KALRN: variants seen among roughly 807,000 people sequenced by gnomAD.
The protein encoded by KALRN is kalirin RhoGEF kinase.
In KALRN, 70 loss-of-function variants were observed where a neutral mutation model predicts 353.7. The observed-to-expected ratio is 0.20, with a 90% CI of 0.16 to 0.24. The LOEUF (loss-of-function observed/expected upper bound fraction) is 0.24, where lower values mean the gene tolerates loss of function less well. Ranked by LOEUF, KALRN falls within the 10% of genes least tolerant of loss-of-function variation. The probability of loss-of-function intolerance (pLI) is 1.00; values close to 1 mark genes in which losing one functional copy is unlikely to be tolerated. For missense variants in KALRN, 2,791 were observed against 3,756.7 expected (o/e 0.74, Z 6.72); for synonymous variants, 1,391 against 1,434.8 (o/e 0.97, Z 0.69).
intron 10 of KALRN, among the ~76,000 whole-genome samples, chr3:124,372,997 C>A (rs34782438): frequency 3.3e-5 from 5 of 152,064 alleles, no homozygotes; most frequent in Admixed American, 6.6e-5. Flanking sequence ...CTCCCTCCCC[C>A]AGCCCATCCT....
At chr3:124,398,942 G>A in intron 13 of KALRN, 71 bp downstream of exon 13, 8 of 1,482,092 alleles carry the variant, frequency 5.4e-6, no homozygotes, top group Middle Eastern at 2.3e-4. Context: ...ACTGCCCCAG[G>A]GGCAGGGCAG....
chr3:124,268,718 C>A, intron 4 of KALRN, 25 bp from the exon 5 acceptor site: 2 of 1,611,658 alleles, frequency 1.2e-6, no homozygotes, highest in Non-Finnish European at 1.7e-6. Context: ...CACTGAGTAT[C>A]CTTGTCTGTG....
Position 124,492,761 on chromosome 3 carries a change from C to A in KALRN, c.4711C>A (p.Gln1571Lys). Reference protein sequence around the residue: ...VLKASNIETKQEWIKNIREVI... With the variant: ...VLKASNIETKKEWIKNIREVI... Reference sequence around the variant, plus strand: ...CTAGGCCTCCAACATTGAAACCAAGCAGGAGTGGATCAAGAACATTCGAGA... The same window carrying A: ...CTAGGCCTCCAACATTGAAACCAAGAAGGAGTGGATCAAGAACATTCGAGA... Residue 1571 changes from glutamine (Q) to lysine (K), a missense_variant, in exon 32 of 60, where the codon CAG (glutamine) becomes AAG (lysine). Gln to Lys is a moderately conservative substitution (Grantham distance 53). Transcript: ENST00000682506. The A allele has an allele frequency of 6.2e-7, 1 of 1,613,950 alleles. No individual in the cohort carries two copies. The highest frequency in any genetic ancestry group is 8.5e-7 in the Non-Finnish European group (1 of 1,179,938).
At chr3:124,505,577 G>A (rs566850933) in intron 33 of KALRN, among the ~76,000 whole-genome samples, 19 of 152,330 alleles carry the variant, frequency 1.2e-4, no homozygotes, top group Non-Finnish European at 2.4e-4. Context: ...AGACTTCAGT[G>A]AGCTGTGATT....
intron 3 of KALRN, among the ~76,000 whole-genome samples, chr3:124,248,664 C>CT (rs1156929430): frequency 5.3e-5 from 8 of 152,352 alleles, no homozygotes; most frequent in Non-Finnish European, 8.8e-5. Context: ...CCTGGCCCCT[C>CT]TTTCCTTTTC....
intron 6 of KALRN, among the ~76,000 whole-genome samples, chr3:124,319,314 T>C (rs2079090817): frequency 6.6e-6 from 1 of 151,468 alleles, no homozygotes; most frequent in South Asian, 2.1e-4. Flanking sequence ...AAAAAGGAAA[T>C]TTAAAAAACC....
At chr3:124,111,711 C>T (rs2062992319) in intron 1 of KALRN, among the ~76,000 whole-genome samples, 1 of 152,030 alleles carries the variant, frequency 6.6e-6, no homozygotes, top group Admixed American at 6.6e-5. Flanking sequence ...ATATAGGGGG[C>T]ATGTTCATTG....
intron 33 of KALRN, among the ~76,000 whole-genome samples, chr3:124,531,542 T>C (rs1477280396): frequency 6.6e-6 from 1 of 152,210 alleles, no homozygotes; most frequent in African/African-American, 2.4e-5. Flanking sequence ...TGGCTCGTGG[T>C]TCCACAGGCT....
chr3:124,370,745 G>A (rs1439307232), intron 10 of KALRN, among the ~76,000 whole-genome samples: 5 of 152,172 alleles, frequency 3.3e-5, no homozygotes, highest in Non-Finnish European at 7.3e-5. Context: ...CACCTGATCT[G>A]GGTGCAATCA....
chr3:124,347,023 C>A, intron 9 of KALRN, 120 bp from the exon 10 acceptor site: 1 of 1,455,748 alleles, frequency 6.9e-7, no homozygotes, highest in Non-Finnish European at 9.4e-7. Flanking sequence ...TCCACCTGAA[C>A]TGCTGCTTTA....
chr3:124,469,558 C>T (rs1201251475), intron 25 of KALRN, among the ~76,000 whole-genome samples: 1 of 152,194 alleles, frequency 6.6e-6, no homozygotes, highest in African/African-American at 2.4e-5. Context: ...TAGAAATAAT[C>T]TCTAGCTCTA....
intron 34 of KALRN, among the ~76,000 whole-genome samples, chr3:124,619,171 A>G (rs1316809023): frequency 6.6e-6 from 1 of 151,408 alleles, no homozygotes; most frequent in Non-Finnish European, 1.5e-5. Context: ...AGATCATGCA[A>G]TAGTTTTCTA....
intron 37 of KALRN, among the ~76,000 whole-genome samples, chr3:124,641,166 G>A (rs1347855433): frequency 6.6e-6 from 1 of 152,110 alleles, no homozygotes; most frequent in Non-Finnish European, 1.5e-5. Context: ...AAGACCTACT[G>A]TTAAGGAACA....
At chr3:124,324,596 C>G (rs1235313466) in intron 6 of KALRN, among the ~76,000 whole-genome samples, 1 of 152,260 alleles carries the variant, frequency 6.6e-6, no homozygotes, top group South Asian at 2.1e-4. Flanking sequence ...AGAGATGACA[C>G]ATAGGGGTCA....
intron 45 of KALRN, among the ~76,000 whole-genome samples, chr3:124,662,193 C>A: frequency 1.0e-5 from 1 of 96,844 alleles, no homozygotes; most frequent in African/African-American, 4.3e-5. Flanking sequence ...ACCCAGAATT[C>A]TTTTTTTTTT....
chr3:124,345,938 A>T (rs1467033467), intron 9 of KALRN, among the ~76,000 whole-genome samples: 1 of 152,234 alleles, frequency 6.6e-6, no homozygotes, highest in East Asian at 1.9e-4. Context: ...GAGACACAGG[A>T]ATGAGTTAAA....
intron 1 of KALRN, among the ~76,000 whole-genome samples, chr3:124,054,542 T>G (rs1315756371): frequency 6.6e-6 from 1 of 152,048 alleles, no homozygotes; most frequent in Non-Finnish European, 1.5e-5. Context: ...ACCCTCAGAA[T>G]GTACCTGTAA....
At chr3:124,194,123 C>T (rs909261340) in intron 1 of KALRN, among the ~76,000 whole-genome samples, 1 of 152,208 alleles carries the variant, frequency 6.6e-6, no homozygotes, top group African/African-American at 2.4e-5. Context: ...GTTAGGAAGC[C>T]AAGAGAACAC....
At chr3:124,217,068 T>A (rs10049028) in intron 1 of KALRN, among the ~76,000 whole-genome samples, 7 of 151,944 alleles carry the variant, frequency 4.6e-5, no homozygotes, top group Admixed American at 2.0e-4. Flanking sequence ...TTTTAGTATC[T>A]CTTTTGGATT....
Sources: gnomAD v4.1 joint callset for allele counts (sites outside exome capture counted in the v4.1 genomes callset) on GRCh38, gnomAD v4.1.1 for gene constraint, MANE v1.5 for transcripts, NCBI Gene and HGNC (gene_info 2026-07-23, HGNC 2026-07-21) for gene names.